The following DGKB variants were observed in gnomAD, a reference collection of about 807,000 sequenced individuals.
DGKB encodes diacylglycerol kinase beta.
DGKB carries 67 observed loss-of-function variants against 114.3 expected under a neutral mutation model. The ratio of observed to expected loss-of-function variants is 0.59; its 90% CI spans 0.48 to 0.72. The LOEUF (loss-of-function observed/expected upper bound fraction) is 0.72. Among genes scored for constraint, DGKB ranks in the 30% least tolerant of loss-of-function variants. The pLI, the probability that DGKB is intolerant of heterozygous loss-of-function variation, is 0.00. For synonymous variants in DGKB, 398 were observed against 323.1 expected (o/e 1.23, Z -2.49); for missense variants, 907 against 975.2 (o/e 0.93, Z 0.93).
intron 21 of DGKB, among the ~76,000 whole-genome samples, chr7:14,362,408 C>A (rs1176596426): frequency 6.6e-6 from 1 of 151,868 alleles, no homozygotes; most frequent in Non-Finnish European, 1.5e-5. Flanking sequence ...GAAAATAATG[C>A]CTATTATTTT....
chr7:14,925,341 A>G (rs781162714), intron 1 of DGKB, among the ~76,000 whole-genome samples: 1 of 152,212 alleles, frequency 6.6e-6, no homozygotes, highest in African/African-American at 2.4e-5. Flanking sequence ...ATCTCCTTTG[A>G]TGAATATCTG....
At chr7:14,242,864 C>CTATT (rs1283218926) in intron 23 of DGKB, among the ~76,000 whole-genome samples, 1 of 66,426 alleles carries the variant, frequency 1.5e-5, no homozygotes. Flanking sequence ...TATATGAAGG[C>CTATT]TGTTTTTTTT....
intron 21 of DGKB, among the ~76,000 whole-genome samples, chr7:14,459,457 C>T (rs922701300): frequency 1.3e-5 from 2 of 151,954 alleles, no homozygotes; most frequent in Non-Finnish European, 2.9e-5. Flanking sequence ...GTGAAGCATA[C>T]GCAAGTATCA....
intron 21 of DGKB, among the ~76,000 whole-genome samples, chr7:14,430,339 A>T (rs539897429): frequency 6.6e-6 from 1 of 152,312 alleles, no homozygotes; most frequent in South Asian, 2.1e-4. Flanking sequence ...CATGTGACTT[A>T]TATCTATATT....
chr7:14,472,063 C>G (rs541535551), intron 21 of DGKB, among the ~76,000 whole-genome samples: 3 of 152,156 alleles, frequency 2.0e-5, no homozygotes, highest in Non-Finnish European at 4.4e-5. Flanking sequence ...TAGCTAACTT[C>G]TTTTAGTTTA....
At chr7:14,513,283 C>A (rs1158410633) in intron 20 of DGKB, among the ~76,000 whole-genome samples, 2 of 151,892 alleles carry the variant, frequency 1.3e-5, no homozygotes, top group Non-Finnish European at 2.9e-5. Flanking sequence ...AAGAATAAAG[C>A]TAAAAGTTCT....
chr7:14,845,381 A>T (rs779756593), intron 1 of DGKB, among the ~76,000 whole-genome samples: 5 of 152,140 alleles, frequency 3.3e-5, no homozygotes, highest in African/African-American at 9.7e-5. Flanking sequence ...ATTATTTAAC[A>T]TTTGTCTCCA....
intron 1 of DGKB, among the ~76,000 whole-genome samples, chr7:14,933,109 A>G (rs943717915): frequency 1.3e-5 from 2 of 152,300 alleles, no homozygotes; most frequent in South Asian, 2.1e-4. Context: ...GTCACAGAGC[A>G]TATTATAAAA....
chr7:14,511,080 C>A (rs1024565743), intron 20 of DGKB, among the ~76,000 whole-genome samples: 1 of 152,130 alleles, frequency 6.6e-6, no homozygotes, highest in Non-Finnish European at 1.5e-5. Context: ...TCAGAATGGT[C>A]AATGAGCACT....
intron 1 of DGKB, among the ~76,000 whole-genome samples, chr7:14,962,910 C>A (rs2115276966): frequency 6.6e-6 from 1 of 152,226 alleles, no homozygotes; most frequent in Non-Finnish European, 1.5e-5. Flanking sequence ...TATATTGACT[C>A]ATTAATTAAA....
intron 17 of DGKB, among the ~76,000 whole-genome samples, chr7:14,590,831 T>C (rs1051215591): frequency 1.3e-5 from 2 of 152,088 alleles, no homozygotes; most frequent in African/African-American, 2.4e-5. Context: ...CTGATTTAAT[T>C]ATATTTTTTT....
intron 20 of DGKB, among the ~76,000 whole-genome samples, chr7:14,500,800 C>T (rs1484210473): frequency 6.6e-6 from 1 of 151,470 alleles, no homozygotes; most frequent in Non-Finnish European, 1.5e-5. Flanking sequence ...TTATCGAGGG[C>T]TAGAAGAAAC....
intron 23 of DGKB, among the ~76,000 whole-genome samples, chr7:14,265,077 G>A (rs4721316): frequency 0.56 from 84,458 of 151,350 alleles, 26,111 homozygotes; most frequent in East Asian, 0.99. Context: ...TCAGGTTTCT[G>A]TCCCCGCCCC....
At chr7:14,738,884 C>G (rs1832131331) in intron 4 of DGKB, among the ~76,000 whole-genome samples, 1 of 152,158 alleles carries the variant, frequency 6.6e-6, no homozygotes, top group Admixed American at 6.5e-5. Flanking sequence ...AAGACTTTAA[C>G]TTGGTAACAT....
intron 2 of DGKB, among the ~76,000 whole-genome samples, chr7:14,803,668 G>GTGTA (rs987494431): frequency 8.8e-6 from 1 of 113,756 alleles, no homozygotes; most frequent in African/African-American, 5.8e-5. Flanking sequence ...GCCACCTGTT[G>GTGTA]TGTATGCGTT....
chr7:14,818,593 G>A lies in DGKB; in HGVS notation c.70+22601C>T, dbSNP rs188219629. ...ACATGAAGAAAGGAACTATAGAACA[G>A]CTACGACATAATGGAAACAGAAATG... On this transcript the variant is annotated intron_variant, in intron 2 of 25. Transcript: ENST00000402815. Among the ~76,000 whole-genome samples the A allele has an allele frequency of 2.5e-4, 38 of 152,232 alleles. 1 individual carries two copies. In the East Asian group the frequency reaches 7.0e-3, roughly 28 times the overall value.
intron 23 of DGKB, among the ~76,000 whole-genome samples, chr7:14,192,409 T>G (rs1784437657): frequency 1.3e-5 from 2 of 152,134 alleles, no homozygotes; most frequent in South Asian, 2.1e-4. Context: ...ACCAAGGAGG[T>G]GAAAGATCTC....
At chr7:14,231,135 C>T (rs111332688) in intron 23 of DGKB, among the ~76,000 whole-genome samples, 3,235 of 111,750 alleles carry the variant, frequency 0.029, 54 homozygotes, top group Non-Finnish European at 0.046. Flanking sequence ...TTCTTTCTTT[C>T]TTTCTTTCTT....
chr7:14,254,541 C>T (rs1795688999), intron 23 of DGKB, among the ~76,000 whole-genome samples: 1 of 152,140 alleles, frequency 6.6e-6, no homozygotes. Context: ...CTGAATCTTA[C>T]TCAGTTTAAC....
Sources: gnomAD v4.1 joint callset for allele counts (sites outside exome capture counted in the v4.1 genomes callset) on GRCh38, gnomAD v4.1.1 for gene constraint, MANE v1.5 for transcripts, NCBI Gene and HGNC (gene_info 2026-07-23, HGNC 2026-07-21) for gene names.